The following PRSS3 variants were observed in gnomAD, a reference collection of about 807,000 sequenced individuals.
PRSS3 encodes the protein serine protease 3.
Under a neutral mutation model 20.8 loss-of-function variants are expected in PRSS3, and 14 were observed. The ratio of observed to expected loss-of-function variants is 0.67; its 90% CI spans 0.44 to 1.05. The LOEUF (loss-of-function observed/expected upper bound fraction) is 1.05, where lower values mean the gene tolerates loss of function less well. Ranked by LOEUF, PRSS3 falls within the 50% of genes least tolerant of loss-of-function variation. PRSS3 has a pLI of 0.00. For missense variants in PRSS3, 237 were observed against 306.4 expected, an observed-to-expected ratio of 0.77 and a Z score of 1.69; for synonymous variants, 91 against 117.6, an observed-to-expected ratio of 0.77 and a Z score of 1.46.
At chr9:33,785,200 C>T (rs1248938479) in intron 1 of PRSS3, among the ~76,000 whole-genome samples, 6 of 61,116 alleles carry the variant, frequency 9.8e-5, no homozygotes, top group South Asian at 6.3e-4. Flanking sequence ...TTTTTTGAGA[C>T]GGAGTCTCGC....
At chr9:33,781,220 C>T (rs527489027) in intron 1 of PRSS3, among the ~76,000 whole-genome samples, 1 of 152,132 alleles carries the variant, frequency 6.6e-6, no homozygotes, top group Non-Finnish European at 1.5e-5. Context: ...GATCATTATA[C>T]CAAAATGCAC....
At chr9:33,770,148 CA>C (rs75350050) in intron 1 of PRSS3, among the ~76,000 whole-genome samples, 22,598 of 139,622 alleles carry the variant, frequency 0.16, 1,951 homozygotes, top group African/African-American at 0.25. Flanking sequence ...GAAACTGTCT[CA>C]AAAAAAAAAA....
At chr9:33,787,534 T>C (rs4120895) in intron 1 of PRSS3, among the ~76,000 whole-genome samples, 57,872 of 152,016 alleles carry the variant, frequency 0.38, 11,110 homozygotes, top group Middle Eastern at 0.48. Context: ...AATTAAACTT[T>C]GGATATACTG....
upstream of PRSS3, chr9:33,795,548 C>T (rs1365111493): frequency 2.5e-6 from 4 of 1,614,150 alleles, no homozygotes; most frequent in South Asian, 3.3e-5. Context: ...AGGCCTTCCA[C>T]CACCAGTCAG....
intron 1 of PRSS3, among the ~76,000 whole-genome samples, chr9:33,776,310 C>T (rs970453509): frequency 2.0e-5 from 3 of 152,134 alleles, no homozygotes; most frequent in African/African-American, 7.2e-5. Context: ...TGTTAAATGT[C>T]CCCACATACA....
At chr9:33,778,573 C>T (rs149884713) in intron 1 of PRSS3, among the ~76,000 whole-genome samples, 65 of 151,972 alleles carry the variant, frequency 4.3e-4, no homozygotes, top group Middle Eastern at 3.4e-3. Flanking sequence ...ATTTTAAAAC[C>T]TAAATTTATA....
chr9:33,755,129 G>A (rs763053295), intron 1 of PRSS3, among the ~76,000 whole-genome samples: 1 of 152,194 alleles, frequency 6.6e-6, no homozygotes, highest in African/African-American at 2.4e-5. Flanking sequence ...GGCACGCCAG[G>A]TCATCTGAGG....
At chr9:33,798,773 C>A in intron 4 of PRSS3, 151 bp downstream of exon 4, 1 of 1,294,144 alleles carries the variant, frequency 7.7e-7, no homozygotes, top group Non-Finnish European at 1.1e-6. Flanking sequence ...GAGGCGGCTC[C>A]CTGCATTGCC....
In PRSS3 at chr9:33,750,880, T is replaced by C. The variant is rs1337488267; in HGVS notation, c.-53+153T>C. 1.8e-5 allele frequency: 24 copies of C among 1,358,462 alleles called. No homozygotes were observed. Among genetic ancestry groups the C allele is most frequent in the Admixed American group, 1.1e-4 (3 of 27,982 alleles). The allele number at this position is 1,358,462 out of a possible 1,614,324, so 84.2% of individuals were successfully genotyped here. ...ACGCGGACAGGGAGGGGATACCGACTGGGAGGGGCTCAGGGACAGGGATGG... is the reference window on the plus strand; with the variant it reads ...ACGCGGACAGGGAGGGGATACCGACCGGGAGGGGCTCAGGGACAGGGATGG... On this transcript the variant is annotated intron_variant, in intron 1 of 5. Transcript: ENST00000342836. This position sits in a 1 kb window ranked among gnomAD's most constrained non-coding sequence, Gnocchi z 4.8.
At chr9:33,794,644 T>A, upstream of PRSS3, 1 of 1,377,084 alleles carries the variant, frequency 7.3e-7, no homozygotes. Context: ...GTAACCCAGA[T>A]TTACCATGGT....
Position 33,771,629 on chromosome 9 carries a change from G to GTTTTTT in PRSS3, c.-53+20904_-53+20909dup, listed in dbSNP as rs1215528117. Among the ~76,000 whole-genome samples the GTTTTTT allele has an allele frequency of 2.6e-4, 30 of 115,190 alleles. 1 individual carries two copies. The highest frequency in any genetic ancestry group is 3.2e-4 in the Non-Finnish European group (18 of 56,606). The allele number at this position is 115,190 out of a possible 152,430, so 75.6% of individuals were successfully genotyped here. A position where few individuals can be genotyped will look rare whatever the true frequency, so the allele number is the denominator to read the frequency against. On this transcript the variant is annotated intron_variant, in intron 1 of 5. Transcript: ENST00000342836. The stretch of plus-strand genomic sequence containing the variant: ...GGCATGAGCCACTGCACTGGGTTTT[G>GTTTTTT]TTTTTTTGTTTTTTTGTTTTTTTTT...
At chr9:33,755,967 T>G (rs1358720557) in intron 1 of PRSS3, among the ~76,000 whole-genome samples, 1 of 152,256 alleles carries the variant, frequency 6.6e-6, no homozygotes, top group Non-Finnish European at 1.5e-5. Context: ...CACTTTTTTT[T>G]CTGTCTAGGC....
intron 1 of PRSS3, among the ~76,000 whole-genome samples, chr9:33,752,182 C>T (rs1220680790): frequency 6.6e-6 from 1 of 151,990 alleles, no homozygotes; most frequent in Non-Finnish European, 1.5e-5. Context: ...CCATTTATTC[C>T]GTGAGTTCCT....
chr9:33,755,428 AC>A (rs2118732713), intron 1 of PRSS3, among the ~76,000 whole-genome samples: 1 of 152,220 alleles, frequency 6.6e-6, no homozygotes, highest in South Asian at 2.1e-4. Context: ...GCATGCAAAT[AC>A]GGGCCATTTC....
chr9:33,779,218 A>G (rs1220558848), intron 1 of PRSS3, among the ~76,000 whole-genome samples: 1 of 152,228 alleles, frequency 6.6e-6, no homozygotes, highest in Non-Finnish European at 1.5e-5. Flanking sequence ...CTAGCTCCCT[A>G]GAAATGGTTC....
intron 1 of PRSS3, among the ~76,000 whole-genome samples, chr9:33,780,706 A>G (rs1268108231): frequency 1.4e-4 from 21 of 152,226 alleles, no homozygotes; most frequent in Non-Finnish European, 1.3e-4. Context: ...GAGAGGGGAA[A>G]ATATCTATCA....
At chr9:33,795,009 T>C, upstream of PRSS3, 1 of 1,293,532 alleles carries the variant, frequency 7.7e-7, no homozygotes, top group East Asian at 2.6e-5. Flanking sequence ...TACCCCTTAG[T>C]GTTGGAATTC....
chr9:33,795,739 C>G (rs1824886248), intron 1 of PRSS3, 126 bp downstream of exon 1: 1 of 1,199,222 alleles, frequency 8.3e-7, no homozygotes, highest in East Asian at 2.5e-5. Context: ...TCTGACATAT[C>G]TCCTTCCCAT....
chr9:33,796,087 T>G (rs1221905393), intron 1 of PRSS3, among the ~76,000 whole-genome samples: 1 of 152,206 alleles, frequency 6.6e-6, no homozygotes, highest in East Asian at 1.9e-4. Flanking sequence ...TTTCCAGGCA[T>G]GCCGCCAAAG....
Sources: gnomAD v4.1 joint callset for allele counts (sites outside exome capture counted in the v4.1 genomes callset) on GRCh38, gnomAD v4.1.1 for gene constraint, Gnocchi (gnomAD v3.1) non-coding constraint, MANE v1.5 for transcripts, NCBI Gene and HGNC (gene_info 2026-07-23, HGNC 2026-07-21) for gene names.